PC: variants seen among roughly 807,000 people sequenced by gnomAD.
The protein encoded by PC is pyruvate carboxylase, mitochondrial.
Under a neutral mutation model 107.8 loss-of-function variants are expected in PC, and 46 were observed. That is an observed-to-expected ratio of 0.43 (90% CI 0.34 to 0.55). The LOEUF is 0.55. Ranked by LOEUF, PC falls within the 20% of genes least tolerant of loss-of-function variation. The pLI, the probability that PC is intolerant of heterozygous loss-of-function variation, is 0.04. For missense variants in PC, 1,241 were observed against 1,643.1 expected, an observed-to-expected ratio of 0.76 and a Z score of 4.23; for synonymous variants, 662 against 684.7, an observed-to-expected ratio of 0.97 and a Z score of 0.52.
intron 1 of PC, among the ~76,000 whole-genome samples, chr11:66,957,574 C>T (rs1949597076): frequency 6.6e-6 from 1 of 152,194 alleles, no homozygotes; most frequent in Non-Finnish European, 1.5e-5. Flanking sequence ...CGAGATCGCG[C>T]CACTGCACTC....
In PC at chr11:66,933,899, C is replaced by T. The variant is rs748185239; in HGVS notation, c.-1+18531G>A. 9.2e-5 allele frequency among the ~76,000 whole-genome samples: 14 copies of T among 152,182 alleles called. No individual in the cohort carries two copies. In the South Asian group the frequency reaches 1.0e-3, roughly 11 times the overall value. On this transcript the variant is annotated intron_variant, in intron 3 of 22. Transcript: ENST00000393960. ...CTTCTTATTGTCTCAAATCCCAACA[C>T]GCAGCTGGGGTTCACAGAATGAACT... is the stretch of plus-strand genomic sequence containing the variant.
In PC at chr11:66,858,857, G is replaced by C; in HGVS notation, c.1368+4917C>G. 2 of 1,554,290 alleles carry C rather than the reference G, an allele frequency of 1.3e-6. No homozygotes were observed. Among genetic ancestry groups the C allele is most frequent in the Non-Finnish European group, 1.7e-6 (2 of 1,150,032 alleles). On this transcript the variant is annotated intron_variant, in intron 12 of 22. Coordinates refer to ENST00000393960, the MANE Select transcript of PC (RefSeq NM_001040716.2). This position sits in a 1 kb window ranked among gnomAD's most constrained non-coding sequence, Gnocchi z 5.9. The stretch of plus-strand genomic sequence containing the variant: ...GAGTAGAACTGCGGGTGCTGGCCTT[G>C]CCCCATGGTGGGAACAGCAGTGCCG...
intron 1 of PC, among the ~76,000 whole-genome samples, chr11:66,955,849 T>C (rs1350486085): frequency 3.3e-5 from 5 of 151,952 alleles, no homozygotes; most frequent in African/African-American, 4.8e-5. Context: ...CTCAGCTTAC[T>C]GCAACCTTCA....
chr11:66,877,091 GGTA>G (rs1474540470), intron 3 of PC, among the ~76,000 whole-genome samples: 1 of 152,204 alleles, frequency 6.6e-6, no homozygotes, highest in African/African-American at 2.4e-5. Flanking sequence ...GAGCCTTTAA[GGTA>G]TTTATGCCCG....
Position 66,870,918 on chromosome 11 carries a change from A to G in PC, c.634-26T>C. 2 of 1,606,392 alleles carry G rather than the reference A, an allele frequency of 1.2e-6. No homozygotes were observed. The highest frequency in any genetic ancestry group is 8.5e-7 in the Non-Finnish European group (1 of 1,175,712). ...CTGCGAGGGCGGGCAGGGGCCAGCC[A>G]GACCTCAGACCCCACAGCGCTACCT... is the stretch of plus-strand genomic sequence containing the variant. On this transcript the variant is annotated intron_variant, in intron 7 of 22. Transcript: ENST00000393960. The surrounding 1 kb of genome is among the most constrained non-coding windows in gnomAD (Gnocchi z 6.1).
intron 3 of PC, among the ~76,000 whole-genome samples, chr11:66,941,582 C>T (rs1949130591): frequency 6.6e-6 from 1 of 152,160 alleles, no homozygotes; most frequent in Non-Finnish European, 1.5e-5. Flanking sequence ...AGCTCCGCCT[C>T]CCGGGTTCAC....
At chr11:66,934,703 C>T (rs2136118560) in intron 3 of PC, among the ~76,000 whole-genome samples, 1 of 152,320 alleles carries the variant, frequency 6.6e-6, no homozygotes, top group South Asian at 2.1e-4. Flanking sequence ...ACGATCTTGG[C>T]TCACTGCAAC....
intron 3 of PC, among the ~76,000 whole-genome samples, chr11:66,943,461 G>A (rs938568729): frequency 2.6e-5 from 4 of 151,964 alleles, no homozygotes; most frequent in Non-Finnish European, 5.9e-5. Context: ...CTTCTCGGCC[G>A]GGTGCGGTGG....
At chr11:66,862,110 C>T (rs899054829) in intron 12 of PC, among the ~76,000 whole-genome samples, 3 of 152,254 alleles carry the variant, frequency 2.0e-5, no homozygotes, top group South Asian at 2.1e-4. Context: ...CCCTCAACAC[C>T]GAAGCAGCCG....
chr11:66,870,101 T>C lies in PC; in HGVS notation c.903+201A>G, dbSNP rs764111154. On this transcript the variant is annotated intron_variant, in intron 9 of 22. Transcript: ENST00000393960. The surrounding 1 kb of genome is among the most constrained non-coding windows in gnomAD (Gnocchi z 6.1). The stretch of plus-strand genomic sequence containing the variant: ...CATCCTGGACTCTAAGCTTGGCCTC[T>C]GGGCCAGGTGCCTCAACTGCACATG... Among the ~76,000 whole-genome samples, 4 of 152,144 alleles carry C rather than the reference T, an allele frequency of 2.6e-5. No individual in the cohort carries two copies. Among genetic ancestry groups the C allele is most frequent in the Non-Finnish European group, 5.9e-5 (4 of 68,018 alleles).
At chr11:66,950,562 C>G (rs922136197) in intron 3 of PC, among the ~76,000 whole-genome samples, 17 of 152,162 alleles carry the variant, frequency 1.1e-4, no homozygotes, top group Non-Finnish European at 1.3e-4. Flanking sequence ...GGGTGACAAG[C>G]TTAGACTACA....
intron 1 of PC, among the ~76,000 whole-genome samples, chr11:66,955,307 G>A (rs1415581203): frequency 6.6e-6 from 1 of 152,168 alleles, no homozygotes; most frequent in Non-Finnish European, 1.5e-5. Flanking sequence ...CCCCATGAGT[G>A]GTGGTGGGAG....
chr11:66,875,718 C>G, intron 3 of PC, among the ~76,000 whole-genome samples: 1 of 152,026 alleles, frequency 6.6e-6, no homozygotes, highest in South Asian at 2.1e-4. Context: ...ACTGCGGTGA[C>G]CAGGAGGCAC....
chr11:66,849,827 C>T lies in PC; in HGVS notation c.2931G>A (p.Arg977=). The change falls in exon 21 of 23, where the codon CGG becomes CGA. Residue 977 remains arginine, a synonymous_variant. Transcript: ENST00000393960. Reference sequence around the variant, plus strand: ...CCAGGGGAGGGAGGGAGGCTCCAGGCCGCCCCTCCACCCTTGGCAGGTCCT... The same window carrying T: ...CCAGGGGAGGGAGGGAGGCTCCAGGTCGCCCCTCCACCCTTGGCAGGTCCT... The part of the protein sequence containing the change: ...VLKDLPRVEG[R]PGASLPPLDL... The T allele has an allele frequency of 6.2e-7, 1 of 1,613,820 alleles. No individual in the cohort carries two copies. The highest frequency in any genetic ancestry group is 8.5e-7 in the Non-Finnish European group (1 of 1,180,002).
At chr11:66,927,094 G>A (rs932056092) in intron 3 of PC, among the ~76,000 whole-genome samples, 5 of 146,836 alleles carry the variant, frequency 3.4e-5, no homozygotes, top group African/African-American at 5.0e-5. Flanking sequence ...AGGTTCAAGC[G>A]ATTCTCCCAC....
At position 66,852,579 on chromosome 11, in the gene PC, C is replaced by G. The variant is rs1945566516; in HGVS notation, c.1685G>C (p.Gly562Ala). 1 of 1,613,912 alleles carries G rather than the reference C, an allele frequency of 6.2e-7. No homozygotes were observed. The highest frequency in any genetic ancestry group is 1.3e-5 in the African/African-American group (1 of 74,924). ...GAAGGTCGTGTCCATCAGCAGCAGC[C>G]CCGGGTGGTTCCGCACAGCTCGAGC... ...GFARAVRNHP[G>A]LLLMDTTFRD... Residue 562 changes from glycine (G) to alanine (A), a missense_variant, in exon 15 of 23, where the codon GGG becomes GCG. Transcript: ENST00000393960. This position sits in a 1 kb window ranked among gnomAD's most constrained non-coding sequence, Gnocchi z 4.7.
intron 3 of PC, among the ~76,000 whole-genome samples, chr11:66,893,381 C>T (rs747204305): frequency 6.6e-6 from 1 of 152,140 alleles, no homozygotes; most frequent in East Asian, 1.9e-4. Context: ...TAGACAGAGT[C>T]GCTTCTCCAC....
intron 3 of PC, among the ~76,000 whole-genome samples, chr11:66,949,606 C>G (rs896841072): frequency 2.0e-5 from 3 of 151,962 alleles, no homozygotes; most frequent in Admixed American, 2.0e-4. Flanking sequence ...GCAGAAGAAT[C>G]GCTTGAACCA....
At chr11:66,853,193 G>A (rs1945609814) in intron 13 of PC, 46 bp downstream of exon 13, 2 of 1,603,504 alleles carry the variant, frequency 1.2e-6, no homozygotes, top group Non-Finnish European at 1.7e-6. Context: ...AGAGATTGGA[G>A]AGCGGAGGGG....
Sources: gnomAD v4.1 joint callset for allele counts (sites outside exome capture counted in the v4.1 genomes callset) on GRCh38, gnomAD v4.1.1 for gene constraint, Gnocchi (gnomAD v3.1) non-coding constraint, MANE v1.5 for transcripts, NCBI Gene and HGNC (gene_info 2026-07-23, HGNC 2026-07-21) for gene names.